Variants in DNAH5 observed in about 807,000 individuals in gnomAD.
The protein encoded by DNAH5 is dynein axonemal heavy chain 5, also known as axonemal beta dynein heavy chain 5.
Under a neutral mutation model 518.2 loss-of-function variants are expected in DNAH5, and 372 were observed. That is an observed-to-expected ratio of 0.72 (90% CI 0.66 to 0.78). The LOEUF is 0.78. Ranked by LOEUF, DNAH5 falls within the 30% of genes least tolerant of loss-of-function variation. The pLI is 0.00. For missense variants in DNAH5, 5,523 were observed against 5,687.0 expected (o/e 0.97, Z 0.93); for synonymous variants, 2,039 against 2,025.9 (o/e 1.01, Z -0.17).
chr5:13,864,279 C>T, intron 28 of DNAH5, 118 bp downstream of exon 28: 2 of 1,386,480 alleles, frequency 1.4e-6, no homozygotes, highest in Non-Finnish European at 2.0e-6. Flanking sequence ...TGGCTGAATG[C>T]CAGGAGAAGA....
intron 1 of DNAH5, among the ~76,000 whole-genome samples, chr5:14,009,074 C>T (rs1784933978): frequency 6.6e-6 from 1 of 152,164 alleles, no homozygotes; most frequent in East Asian, 1.9e-4. Flanking sequence ...GAGTTGAAGC[C>T]GTCGGTTTTT....
intron 1 of DNAH5, among the ~76,000 whole-genome samples, chr5:14,005,771 C>T (rs979635512): frequency 6.6e-6 from 1 of 152,146 alleles, no homozygotes; most frequent in Admixed American, 6.5e-5. Context: ...ACTCCATGAA[C>T]AAAAGCACAC....
intron 35 of DNAH5, among the ~76,000 whole-genome samples, chr5:13,831,264 CACCTT>C (rs1187947955): frequency 6.6e-6 from 1 of 152,226 alleles, no homozygotes; most frequent in Non-Finnish European, 1.5e-5. Context: ...TAAATAATCA[CACCTT>C]GAATCTATTT....
chr5:13,944,483 T>G lies in DNAH5; in HGVS notation c.-45A>C, dbSNP rs1560985156. 6.4e-7 allele frequency: 1 copy of G among 1,568,920 alleles called. No homozygotes were observed. The highest frequency in any genetic ancestry group is 1.7e-5 in the Admixed American group (1 of 59,820). The stretch of plus-strand genomic sequence containing the variant: ...GCTGGAGTCAGCTCTTCCGGAATGG[T>G]CTTCTAACTCCTGGCAGACCTGCTC... On this transcript the variant is annotated 5_prime_UTR_variant, in exon 1 of 79. Transcript: ENST00000265104.
chr5:13,755,683 C>T (rs1750901322), intron 61 of DNAH5, among the ~76,000 whole-genome samples: 1 of 152,176 alleles, frequency 6.6e-6, no homozygotes, highest in African/African-American at 2.4e-5. Context: ...AGAGAACCAT[C>T]CCCCAACTAC....
chr5:13,798,302 G>A (rs978484796), intron 47 of DNAH5, among the ~76,000 whole-genome samples: 6 of 152,164 alleles, frequency 3.9e-5, no homozygotes, highest in Admixed American at 2.0e-4. Context: ...GTGTTCTCAC[G>A]TCCATGGTAG....
intron 47 of DNAH5, among the ~76,000 whole-genome samples, chr5:13,798,982 T>C (rs969921941): frequency 6.6e-6 from 1 of 151,948 alleles, no homozygotes; most frequent in Non-Finnish European, 1.5e-5. Flanking sequence ...GCCAAGCTAG[T>C]CTCAAACTCC....
intron 21 of DNAH5, among the ~76,000 whole-genome samples, chr5:13,879,470 A>G (rs1421868824): frequency 6.6e-6 from 1 of 152,138 alleles, no homozygotes; most frequent in African/African-American, 2.4e-5. Flanking sequence ...TTACTTCCTG[A>G]TAACCCCATT....
Position 13,776,456 on chromosome 5 carries a change from T to C in DNAH5, c.9356A>G (p.Lys3119Arg), listed in dbSNP as rs1251640049. The change falls in exon 55 of 79, where the codon AAA becomes AGA. Residue 3119 changes from lysine to arginine, a missense_variant. Lys to Arg is a conservative substitution (Grantham distance 26). Coordinates refer to ENST00000265104, the MANE Select transcript of DNAH5 (RefSeq NM_001369.3). ...ATACTAACCAGCAACTAAAGCATCT[T>C]TGGGCCATCGGCTGAACCAGTCAAT... is the stretch of plus-strand genomic sequence containing the variant. ...CTIDWFSRWP[K>R]DALVAVSEHF... 14 of 1,613,626 alleles carry C rather than the reference T, an allele frequency of 8.7e-6. No individual in the cohort carries two copies. In the African/African-American group the frequency reaches 1.6e-4, roughly 18 times the overall value.
chr5:13,777,088 A>T, intron 54 of DNAH5, 114 bp downstream of exon 54: 1 of 1,006,784 alleles, frequency 9.9e-7, no homozygotes, highest in Non-Finnish European at 1.5e-6. Flanking sequence ...CTGATCACTT[A>T]ATACCCATCC....
chr5:13,695,863 C>G (rs1211111459), intron 78 of DNAH5, among the ~76,000 whole-genome samples: 1 of 152,060 alleles, frequency 6.6e-6, no homozygotes, highest in Admixed American at 6.6e-5. Flanking sequence ...TGCACATACA[C>G]ACACATGCAC....
rs150043467 is a variant in DNAH5, at chr5:14,005,117, C to T, written c.12+6531G>A. ...ATCACTCTCCCCTGCCCCAGCTGCA[C>T]CAAACCACTCAGTCCCCCACCAGTG... is the stretch of plus-strand genomic sequence containing the variant. On this transcript the variant is annotated intron_variant, in intron 1 of 78. Transcript: ENST00000681290. Among the ~76,000 whole-genome samples the T allele has an allele frequency of 2.5e-3, 379 of 152,252 alleles. 1 individual carries two copies. The highest frequency in any genetic ancestry group is 4.7e-3 in the Non-Finnish European group (318 of 68,016).
At chr5:13,947,931 T>A (rs774439113), upstream of DNAH5, among the ~76,000 whole-genome samples, 3 of 152,238 alleles carry the variant, frequency 2.0e-5, no homozygotes, top group Non-Finnish European at 4.4e-5. Context: ...AAATGCAACA[T>A]GATATTTCAT....
intron 1 of DNAH5, among the ~76,000 whole-genome samples, chr5:13,973,947 G>T (rs1782051889): frequency 6.6e-6 from 1 of 152,062 alleles, no homozygotes; most frequent in Non-Finnish European, 1.5e-5. Flanking sequence ...ATTGGTACAT[G>T]TGGCCAAGGA....
At chr5:13,829,899 TTTCAAAAGGAGGTAAAGTTACAATCCCAA>T in intron 37 of DNAH5, 98 bp downstream of exon 37, 2 of 456,192 alleles carry the variant, frequency 4.4e-6, no homozygotes, top group Non-Finnish European at 6.3e-6. Flanking sequence ...ACCAAAAGGT[TTTCAAAAGGAGGTAAAGTTACAATCCCAA>T]TTTCCATTCA....
At chr5:13,840,539 A>G (rs1238862652) in intron 34 of DNAH5, among the ~76,000 whole-genome samples, 2 of 152,232 alleles carry the variant, frequency 1.3e-5, no homozygotes, top group African/African-American at 4.8e-5. Flanking sequence ...CAGCTCTACT[A>G]AGCAATATTA....
rs752463884 is a variant in DNAH5 at position 13,691,942 on chromosome 5, C to G, written c.*42G>C. 1 of 1,613,128 alleles carries G rather than the reference C, an allele frequency of 6.2e-7. No homozygotes were observed. The highest frequency in any genetic ancestry group is 1.3e-5 in the African/African-American group (1 of 75,012). The stretch of plus-strand genomic sequence containing the variant: ...AAATAAAGGTTACAATAATTTAGAT[C>G]TTGCATTTTCCAAAGCATTGGGTGG... On this transcript the variant is annotated 3_prime_UTR_variant, in exon 79 of 79. Coordinates refer to ENST00000265104, the MANE Select transcript of DNAH5 (RefSeq NM_001369.3).
intron 47 of DNAH5, among the ~76,000 whole-genome samples, chr5:13,804,870 G>C (rs193184815): frequency 6.6e-6 from 1 of 152,256 alleles, no homozygotes; most frequent in African/African-American, 2.4e-5. Context: ...ATAACATATG[G>C]CTTTTTCCAG....
In DNAH5 at chr5:13,902,006, T is replaced by C. The variant is rs777264978; in HGVS notation, c.1730+47A>G. ...TAATAGGAATAACAACAATAAAAGC[T>C]AAACTATCCCAATTTTAGAAAATAG... is the stretch of plus-strand genomic sequence containing the variant. On this transcript the variant is annotated intron_variant, in intron 13 of 78. Coordinates refer to ENST00000265104, the MANE Select transcript of DNAH5 (RefSeq NM_001369.3). The C allele has an allele frequency of 3.8e-6, 5 of 1,316,388 alleles. No individual in the cohort carries two copies. The Admixed American group carries it at 7.6e-5, about 20-fold the overall frequency. The allele number at this position is 1,316,388 out of a possible 1,614,324, so 81.5% of individuals were successfully genotyped here.
Sources: gnomAD v4.1 joint callset for allele counts (sites outside exome capture counted in the v4.1 genomes callset) on GRCh38, gnomAD v4.1.1 for gene constraint, MANE v1.5 for transcripts, NCBI Gene and HGNC (gene_info 2026-07-23, HGNC 2026-07-21) for gene names.